The following SCUBE1 variants were observed in gnomAD, a reference collection of about 807,000 sequenced individuals.
SCUBE1 encodes signal peptide, CUB domain and EGF like domain containing 1.
Under a neutral mutation model 124.4 loss-of-function variants are expected in SCUBE1, and 59 were observed. That is an observed-to-expected ratio of 0.47 (90% CI 0.38 to 0.59). The LOEUF is 0.59. Among genes scored for constraint, SCUBE1 ranks in the 20% least tolerant of loss-of-function variants. The probability of loss-of-function intolerance (pLI) is 0.00; values close to 1 mark genes in which losing one functional copy is unlikely to be tolerated. For synonymous variants in SCUBE1, 545 were observed against 550.9 expected (o/e 0.99, Z 0.15); for missense variants, 1,150 against 1,371.2 (o/e 0.84, Z 2.55).
At chr22:43,238,763 C>A (rs531769863) in intron 7 of SCUBE1, 75 bp downstream of exon 7, 14 of 1,224,006 alleles carry the variant, frequency 1.1e-5, no homozygotes, top group Non-Finnish European at 1.7e-5. Flanking sequence ...GCCCTGGGCC[C>A]GGCTATGCAA....
At position 43,210,207 on chromosome 22, in the gene SCUBE1, G is replaced by A; in HGVS notation, c.2417C>T (p.Thr806Ile). ...GTAGTTGGGGGACTCGATGTAGCCG[G>A]TGTAGTCACCAAGCTCGCCGCCGCA... ...QHCGGELGDY[T>I]GYIESPNYPG... Residue 806 changes from threonine to isoleucine, a missense_variant, in exon 19 of 22, where the codon ACC becomes ATC. Around this residue, in one of 3 missense-constraint regions of SCUBE1, gnomAD observed 757 missense variants for 840.9 expected, o/e 0.90. Coordinates refer to ENST00000360835, the MANE Select transcript of SCUBE1 (RefSeq NM_173050.5). The surrounding 1 kb of genome is among the most constrained non-coding windows in gnomAD (Gnocchi z 4.5). 1 of 1,582,136 alleles carries A rather than the reference G, an allele frequency of 6.3e-7. No homozygotes were observed. The highest frequency in any genetic ancestry group is 1.3e-5 in the African/African-American group (1 of 74,398).
chr22:43,214,373 C>T (rs2146659105), intron 15 of SCUBE1, 122 bp from the exon 16 acceptor site: 2 of 939,278 alleles, frequency 2.1e-6, no homozygotes, highest in South Asian at 1.7e-5. Context: ...GCCCCAAGGA[C>T]ACAGAGGGGC....
chr22:43,227,597 C>T, intron 9 of SCUBE1, 101 bp from the exon 10 acceptor site: 1 of 1,462,928 alleles, frequency 6.8e-7, no homozygotes, highest in East Asian at 2.3e-5. Context: ...CTCCTGACCC[C>T]ACCGAGTCGG....
intron 2 of SCUBE1, among the ~76,000 whole-genome samples, chr22:43,329,150 C>T (rs570189671): frequency 1.6e-4 from 25 of 152,374 alleles, no homozygotes; most frequent in African/African-American, 5.0e-4. Flanking sequence ...AGCCTGGACC[C>T]TGGCCACAAG....
chr22:43,312,176 T>C lies in SCUBE1; in HGVS notation c.349+7761A>G, dbSNP rs117652968. 3.3e-3 allele frequency among the ~76,000 whole-genome samples: 510 copies of C among 152,328 alleles called. 20 individuals are homozygous for C. In the East Asian group the frequency reaches 0.089, roughly 27 times the overall value. On this transcript the variant is annotated intron_variant, in intron 3 of 21. Transcript: ENST00000360835. ...ATTCATTTATTCTACAAATATTTAC[T>C]AAATGCCTACAATATATCTGACACT...
At chr22:43,257,000 G>A (rs544428329) in intron 6 of SCUBE1, among the ~76,000 whole-genome samples, 2 of 152,352 alleles carry the variant, frequency 1.3e-5, no homozygotes, top group East Asian at 3.9e-4. Flanking sequence ...GGCAATCAGG[G>A]ACCATCACCA....
chr22:43,339,655 C>G, intron 1 of SCUBE1, among the ~76,000 whole-genome samples: 1 of 126,530 alleles, frequency 7.9e-6, no homozygotes, highest in East Asian at 2.4e-4. Context: ...AGCATCACTC[C>G]AGCCCTCCCC....
chr22:43,221,339 G>A, intron 12 of SCUBE1, 50 bp from the exon 13 acceptor site: 1 of 1,138,004 alleles, frequency 8.8e-7, no homozygotes, highest in Non-Finnish European at 1.3e-6. Flanking sequence ...TGCAGGCAAG[G>A]AGGTGGTGGG....
At chr22:43,305,814 G>T (rs1925947439) in intron 3 of SCUBE1, among the ~76,000 whole-genome samples, 1 of 152,200 alleles carries the variant, frequency 6.6e-6, no homozygotes, top group Non-Finnish European at 1.5e-5. Context: ...CATTAAAGTA[G>T]CACCTGGGAG....
At chr22:43,222,783 C>T in intron 11 of SCUBE1, 41 bp from the exon 12 acceptor site, 1 of 1,457,568 alleles carries the variant, frequency 6.9e-7, no homozygotes, top group South Asian at 1.2e-5. Flanking sequence ...TGGTGCTCCT[C>T]CCTCCCACGG....
chr22:43,283,736 G>A (rs527906152), intron 4 of SCUBE1: 2 of 152,158 alleles, frequency 1.3e-5, no homozygotes, highest in Non-Finnish European at 2.9e-5. Flanking sequence ...CACCATTGGG[G>A]GAAATTGGGT....
chr22:43,297,808 TTG>T (rs1303115429), intron 3 of SCUBE1, among the ~76,000 whole-genome samples: 6 of 152,338 alleles, frequency 3.9e-5, no homozygotes, highest in South Asian at 2.1e-4. Flanking sequence ...TCTGGCTGCT[TTG>T]TGTTTCCCGC....
At chr22:43,246,562 T>C (rs997162286) in intron 6 of SCUBE1, among the ~76,000 whole-genome samples, 3 of 151,830 alleles carry the variant, frequency 2.0e-5, no homozygotes, top group Admixed American at 2.0e-4. Flanking sequence ...GGGGAAGGGG[T>C]GTAGGATAGA....
chr22:43,209,142 G>A (rs1302828893), intron 19 of SCUBE1, among the ~76,000 whole-genome samples: 1 of 152,202 alleles, frequency 6.6e-6, no homozygotes, highest in Non-Finnish European at 1.5e-5. Context: ...TAGCTATGCT[G>A]AGCAACTCCT....
intron 6 of SCUBE1, among the ~76,000 whole-genome samples, chr22:43,239,873 A>T (rs555564011): frequency 6.6e-6 from 1 of 152,304 alleles, no homozygotes; most frequent in East Asian, 1.9e-4. Context: ...TCGCCTTGGC[A>T]TCACCTGGAC....
intron 6 of SCUBE1, among the ~76,000 whole-genome samples, chr22:43,249,518 C>T (rs973519469): frequency 6.6e-6 from 1 of 152,224 alleles, no homozygotes; most frequent in Admixed American, 6.5e-5. Context: ...CCTCGGTCTT[C>T]CCTGGCCTCC....
rs1206139370 is a variant in SCUBE1 at position 43,198,547 on chromosome 22, T to C, written c.*5450A>G. ...CGGTAGAATAGGAGGCGCTCTCTGC[T>C]CTCTCTCCACATCCTCACTCCACCC... On this transcript the variant is annotated 3_prime_UTR_variant, in exon 22 of 22. Transcript: ENST00000360835. 4.4e-6 allele frequency: 2 copies of C among 456,546 alleles called. No individual in the cohort carries two copies. Among genetic ancestry groups the C allele is most frequent in the African/African-American group, 2.0e-5 (1 of 50,070 alleles). 28.3% of individuals were successfully genotyped at this position (456,546 alleles called of 1,614,324 possible).
chr22:43,208,238 A>T lies in SCUBE1; in HGVS notation c.2582-14T>A, dbSNP rs1417181942. On this transcript the variant is annotated splice_polypyrimidine_tract_variant and intron_variant, in intron 19 of 21. Coordinates refer to ENST00000360835, the MANE Select transcript of SCUBE1 (RefSeq NM_173050.5). ...ACGTGGGAGAGGCTGCGGGTGAAGC[A>T]TCATTGCTGAGCTGCCACAGGTAGG... The T allele has an allele frequency of 6.2e-7, 1 of 1,613,348 alleles. No homozygotes were observed. The highest frequency in any genetic ancestry group is 2.2e-5 in the East Asian group (1 of 44,840).
intron 3 of SCUBE1, among the ~76,000 whole-genome samples, chr22:43,302,183 G>A (rs1925800086): frequency 6.6e-6 from 1 of 152,226 alleles, no homozygotes; most frequent in Admixed American, 6.5e-5. Context: ...GGGGAACCAG[G>A]TACCCTCACA....
Sources: allele counts gnomAD v4.1 joint callset (sites outside exome capture counted in the v4.1 genomes callset), GRCh38; gene constraint gnomAD v4.1.1; regional missense constraint gnomAD v4.1.1; non-coding constraint Gnocchi (gnomAD v3.1); transcripts MANE v1.5; gene names NCBI Gene and HGNC (gene_info 2026-07-23, HGNC 2026-07-21).